PCBP3: variants seen among roughly 807,000 people sequenced by gnomAD.
The protein encoded by PCBP3 is poly(rC) binding protein 3.
A neutral mutation model predicts 52.7 loss-of-function variants in PCBP3; 25 were observed. That is an observed-to-expected ratio of 0.47 (90% CI 0.35 to 0.66). The LOEUF (loss-of-function observed/expected upper bound fraction) is 0.66, where lower values mean the gene tolerates loss of function less well. PCBP3 is among the 30% of genes least tolerant of loss of function. The pLI is 0.01. For missense variants in PCBP3, 391 were observed against 490.3 expected (o/e 0.80, Z 1.91); for synonymous variants, 162 against 183.0 (o/e 0.89, Z 0.93).
chr21:45,809,207 C>A (rs2092605724), intron 4 of PCBP3, among the ~76,000 whole-genome samples: 3 of 152,172 alleles, frequency 2.0e-5, no homozygotes. Flanking sequence ...TTTCTAAGAG[C>A]GCTTTTCATT....
At chr21:45,896,854 T>G (rs1255803751) in intron 6 of PCBP3, among the ~76,000 whole-genome samples, 43 of 138,356 alleles carry the variant, frequency 3.1e-4, no homozygotes, top group African/African-American at 1.2e-3. Flanking sequence ...CGGGCCATTG[T>G]CTCTGTAGGA....
At chr21:45,815,150 AGTGAGTGGTGAGTAGTGAGTG>A (rs2092859274) in intron 4 of PCBP3, among the ~76,000 whole-genome samples, 1 of 58,362 alleles carries the variant, frequency 1.7e-5, no homozygotes, top group African/African-American at 7.6e-5. Flanking sequence ...GTGAGTGGTG[AGTGAGTGGTGAGTAGTGAGTG>A]GTGAGTGGTG....
chr21:45,809,462 G>T (rs548705984), intron 4 of PCBP3, among the ~76,000 whole-genome samples: 3 of 152,218 alleles, frequency 2.0e-5, no homozygotes, highest in Admixed American at 6.5e-5. Flanking sequence ...GTGCGAGCAA[G>T]AGGAGGAAGG....
At chr21:45,895,503 G>C (rs2095801432) in intron 5 of PCBP3, among the ~76,000 whole-genome samples, 1 of 152,210 alleles carries the variant, frequency 6.6e-6, no homozygotes, top group South Asian at 2.1e-4. Context: ...TGTTGCACGA[G>C]TCCCTCACTT....
chr21:45,895,110 G>A (rs555832331), intron 5 of PCBP3, among the ~76,000 whole-genome samples: 11 of 152,332 alleles, frequency 7.2e-5, no homozygotes, highest in Middle Eastern at 3.4e-3. Context: ...TCCACCCCCT[G>A]ACACCTGTGG....
chr21:45,823,181 A>G (rs1181287256), intron 4 of PCBP3, among the ~76,000 whole-genome samples: 2 of 152,278 alleles, frequency 1.3e-5, no homozygotes, highest in African/African-American at 2.4e-5. Flanking sequence ...TTGTACTGGC[A>G]CCTTTTGTGA....
intron 4 of PCBP3, among the ~76,000 whole-genome samples, chr21:45,785,551 A>G (rs1462951564): frequency 6.8e-6 from 1 of 147,468 alleles, no homozygotes; most frequent in South Asian, 2.2e-4. Context: ...CCCATCCGGG[A>G]GGTGAGGGGC....
rs925992131 is a variant in PCBP3, at chr21:45,784,333, C to T, written c.-126+28881C>T. Among the ~76,000 whole-genome samples the T allele has an allele frequency of 2.1e-4, 23 of 108,194 alleles. No individual in the cohort carries two copies. The Admixed American group carries it at 2.2e-3, about 10-fold the overall frequency. 71.0% of individuals were successfully genotyped at this position (108,194 alleles called of 152,430 possible). ...GACCACCAGGGAATGTTAATAGTGA[C>T]AGCTCTACCTCTACCTCTACCTCTA... On this transcript the variant is annotated intron_variant, in intron 4 of 17. Transcript: ENST00000681687.
chr21:45,871,794 C>G (rs955348741), intron 5 of PCBP3: 3 of 152,278 alleles, frequency 2.0e-5, no homozygotes, highest in African/African-American at 7.2e-5. Context: ...CTCAGAGCCC[C>G]AGTTCCATGG....
intron 2 of PCBP3, among the ~76,000 whole-genome samples, chr21:45,705,086 G>A (rs962414658): frequency 1.3e-5 from 2 of 152,218 alleles, no homozygotes; most frequent in African/African-American, 4.8e-5. Context: ...GAAGGCCCTT[G>A]CAGCCTCTTT....
At chr21:45,705,126 C>T (rs932244880) in intron 2 of PCBP3, among the ~76,000 whole-genome samples, 2 of 152,202 alleles carry the variant, frequency 1.3e-5, no homozygotes, top group Non-Finnish European at 2.9e-5. Flanking sequence ...GCTTTCTGTG[C>T]AGCATCGTGT....
chr21:45,791,911 A>C lies in PCBP3; in HGVS notation c.-126+36459A>C, dbSNP rs961988079. On this transcript the variant is annotated intron_variant, in intron 4 of 17. Coordinates refer to ENST00000681687, the MANE Select transcript of PCBP3 (RefSeq NM_001384156.1). This position sits in a 1 kb window ranked among gnomAD's most constrained non-coding sequence, Gnocchi z 4.2. Reference sequence around the variant, plus strand: ...TCATTTCCAGCCCTGAGCTGCACTCAGGAGCTGGGCCTCATGCCCAGTCCC... The same window carrying C: ...TCATTTCCAGCCCTGAGCTGCACTCCGGAGCTGGGCCTCATGCCCAGTCCC... Among the ~76,000 whole-genome samples, 1 of 152,276 alleles carries C rather than the reference A, an allele frequency of 6.6e-6. No homozygotes were observed. The highest frequency in any genetic ancestry group is 1.5e-5 in the Non-Finnish European group (1 of 68,046).
intron 12 of PCBP3, chr21:45,916,233 T>G (rs868122182): frequency 1.3e-5 from 2 of 152,374 alleles, no homozygotes; most frequent in African/African-American, 4.8e-5. Context: ...CCCCGTGCGC[T>G]GAGGGGGCGG....
intron 4 of PCBP3, among the ~76,000 whole-genome samples, chr21:45,770,642 T>A (rs2089787614): frequency 6.6e-6 from 1 of 152,206 alleles, no homozygotes; most frequent in Admixed American, 6.5e-5. Flanking sequence ...TTCACCGGGA[T>A]CTCCTTTAAG....
chr21:45,861,441 C>T, intron 5 of PCBP3, among the ~76,000 whole-genome samples: 1 of 152,336 alleles, frequency 6.6e-6, no homozygotes, highest in East Asian at 1.9e-4. Flanking sequence ...CCTTGCCAGC[C>T]TGGGTGCCAG....
chr21:45,643,960 C>G (rs2079082161), intron 1 of PCBP3, 92 bp downstream of exon 1: 1 of 148,944 alleles, frequency 6.7e-6, no homozygotes, highest in African/African-American at 2.4e-5. Context: ...ACGGGGCGAC[C>G]CCGGGCCGCG....
rs2085792424 is a variant in PCBP3, at chr21:45,735,417, C to T, written c.-174C>T. 6.6e-6 allele frequency: 1 copy of T among 152,164 alleles called. No homozygotes were observed. The allele number at this position is 152,164 out of a possible 1,614,324, so 9.4% of individuals were successfully genotyped here. Reference sequence around the variant, plus strand: ...GACTGTCTACAAGAGAGAAGCTCCCCACGTGGTTCCGTGTAAGTAGTGCTT... The same window carrying T: ...GACTGTCTACAAGAGAGAAGCTCCCTACGTGGTTCCGTGTAAGTAGTGCTT... On this transcript the variant is annotated 5_prime_UTR_variant, in exon 3 of 18. Transcript: ENST00000681687. This position sits in a 1 kb window ranked among gnomAD's most constrained non-coding sequence, Gnocchi z 4.0.
At chr21:45,860,102 A>G (rs2839021) in intron 5 of PCBP3, among the ~76,000 whole-genome samples, 117,559 of 151,970 alleles carry the variant, frequency 0.77, 45,982 homozygotes, top group East Asian at 1. Context: ...CCTGGACTTC[A>G]GTGGGTAACC....
At position 45,900,618 on chromosome 21, in the gene PCBP3, G is replaced by A. The variant is rs1359439425; in HGVS notation, c.217G>A (p.Glu73Lys). 2.0e-5 allele frequency: 32 copies of A among 1,606,526 alleles called. No homozygotes were observed. The highest frequency in any genetic ancestry group is 2.5e-5 in the Non-Finnish European group (29 of 1,174,704). ...KKGETVKKMR[E>K]ESGARINISE... ...AGGAGAAACTGTGAAGAAGATGCGT[G>A]AGGAGGTGAGTGTGGTGGGTCCCCA... Residue 73 changes from glutamate to lysine, a missense_variant, in exon 8 of 18, where the codon GAG becomes AAG. Physicochemically the swap from Glu to Lys is moderately conservative, Grantham distance 56 (BLOSUM62 1). Transcript: ENST00000681687.
Sources: gnomAD v4.1 joint callset for allele counts (sites outside exome capture counted in the v4.1 genomes callset) on GRCh38, gnomAD v4.1.1 for gene constraint, Gnocchi (gnomAD v3.1) non-coding constraint, MANE v1.5 for transcripts, NCBI Gene and HGNC (gene_info 2026-07-23, HGNC 2026-07-21) for gene names.